The following CDH4 variants were observed in gnomAD, a reference collection of about 807,000 sequenced individuals.
The protein encoded by CDH4 is cadherin-4.
A neutral mutation model predicts 86.0 loss-of-function variants in CDH4; 33 were observed. That is an observed-to-expected ratio of 0.38 (90% CI 0.29 to 0.51). The LOEUF is 0.51. CDH4 is among the 20% of genes least tolerant of loss of function. The pLI, the probability that CDH4 is intolerant of heterozygous loss-of-function variation, is 0.86. For missense variants in CDH4, 1,114 were observed against 1,307.4 expected (o/e 0.85, Z 2.28); for synonymous variants, 555 against 549.4 (o/e 1.01, Z -0.14).
In CDH4 at chr20:61,538,727, C is replaced by T. The variant is rs191273432; in HGVS notation, c.170-204836C>T. On this transcript the variant is annotated intron_variant, in intron 2 of 15. Coordinates refer to ENST00000614565, the MANE Select transcript of CDH4 (RefSeq NM_001794.5). Reference sequence around the variant, plus strand: ...TTGCTCCCACTATTCCCACTGGGTGCGACTGTCCCCAGGCCTGGGTCACAT... The same window carrying T: ...TTGCTCCCACTATTCCCACTGGGTGTGACTGTCCCCAGGCCTGGGTCACAT... 3.1e-3 allele frequency among the ~76,000 whole-genome samples: 471 copies of T among 152,304 alleles called. 2 individuals are homozygous for T. Among genetic ancestry groups the T allele is most frequent in the African/African-American group, 0.011 (442 of 41,562 alleles).
intron 2 of CDH4, among the ~76,000 whole-genome samples, chr20:61,669,609 T>A (rs1474210250): frequency 1.3e-5 from 2 of 152,162 alleles, no homozygotes; most frequent in Non-Finnish European, 2.9e-5. Flanking sequence ...CAGAAACTTA[T>A]CCGGTGTGTA....
chr20:61,695,458 G>A lies in CDH4; in HGVS notation c.170-48105G>A, dbSNP rs186293759. Among the ~76,000 whole-genome samples the A allele has an allele frequency of 1.9e-3, 285 of 152,290 alleles. 3 individuals are homozygous for A. Among genetic ancestry groups the A allele is most frequent in the African/African-American group, 6.6e-3 (275 of 41,570 alleles). On this transcript the variant is annotated intron_variant, in intron 2 of 15. Coordinates refer to ENST00000614565, the MANE Select transcript of CDH4 (RefSeq NM_001794.5). ...CAGGAGAAACTGAGTACAGTCTAGG[G>A]GTGCCCAGCAAGCCCCTTTCCATGG...
intron 2 of CDH4, among the ~76,000 whole-genome samples, chr20:61,535,529 A>T (rs1217279550): frequency 1.3e-5 from 2 of 152,260 alleles, no homozygotes; most frequent in Non-Finnish European, 2.9e-5. Context: ...TTTTAAGTAG[A>T]ATGTTTTTAG....
intron 2 of CDH4, among the ~76,000 whole-genome samples, chr20:61,411,244 C>T (rs752496523): frequency 4.6e-5 from 7 of 150,976 alleles, no homozygotes; most frequent in Non-Finnish European, 8.8e-5. Flanking sequence ...GTTCATTCTT[C>T]ACCACCCTGT....
At position 61,383,101 on chromosome 20, in the gene CDH4, A is replaced by ATC. The variant is rs1568822075; in HGVS notation, c.169+128165_169+128166insCT. Among the ~76,000 whole-genome samples the ATC allele has an allele frequency of 2.4e-4, 28 of 115,228 alleles. 2 individuals carry two copies. In the South Asian group the frequency reaches 4.9e-3, roughly 20 times the overall value. The allele number at this position is 115,228 out of a possible 152,430, so 75.6% of individuals were successfully genotyped here. A position where few individuals can be genotyped will look rare whatever the true frequency, so the allele number is the denominator to read the frequency against. On this transcript the variant is annotated intron_variant, in intron 2 of 15. Transcript: ENST00000614565. ...AATATATATATGAATATATATATGAATATATTATATATAGAATATATATGA... is the reference window on the plus strand; with the variant it reads ...AATATATATATGAATATATATATGAATCTATATTATATATAGAATATATATGA...
At chr20:61,331,632 C>CCCGG (rs2084576569) in intron 2 of CDH4, among the ~76,000 whole-genome samples, 1 of 120,748 alleles carries the variant, frequency 8.3e-6, no homozygotes, top group Non-Finnish European at 1.9e-5. Context: ...CACCTCCTGC[C>CCCGG]CCAGACCCAC....
chr20:61,760,405 C>T (rs749055233), intron 3 of CDH4, among the ~76,000 whole-genome samples: 15 of 152,168 alleles, frequency 9.9e-5, no homozygotes, highest in Non-Finnish European at 1.6e-4. Context: ...AGGACTGCAG[C>T]GTGCTGGGTG....
At chr20:61,302,174 G>A (rs939961553) in intron 2 of CDH4, among the ~76,000 whole-genome samples, 5 of 152,196 alleles carry the variant, frequency 3.3e-5, no homozygotes, top group African/African-American at 4.8e-5. Context: ...AGGTCTGGGC[G>A]GTGACCTGCA....
intron 2 of CDH4, among the ~76,000 whole-genome samples, chr20:61,366,587 T>C (rs1038487708): frequency 6.6e-6 from 1 of 152,250 alleles, no homozygotes; most frequent in African/African-American, 2.4e-5. Context: ...AAAGTACCCC[T>C]TATGGGAAAC....
chr20:61,323,909 A>C (rs922607816), intron 2 of CDH4, among the ~76,000 whole-genome samples: 5 of 152,194 alleles, frequency 3.3e-5, no homozygotes, highest in African/African-American at 1.2e-4. Flanking sequence ...CGGAGATGAT[A>C]ATTGTGACTT....
chr20:61,382,676 G>C (rs7264672), intron 2 of CDH4, among the ~76,000 whole-genome samples: 37,455 of 152,084 alleles, frequency 0.25, 5,005 homozygotes, highest in African/African-American at 0.34. Context: ...CCTGCCTCAC[G>C]TCTTCCAGCC....
rs943246109 is a variant in CDH4 at position 61,754,842 on chromosome 20, CCA to C, written c.396+11061_396+11062del. ...GCATGCCACACACCACACACATGCC[CCA>C]CACACACCACACAGTGCACGCCACA... is the stretch of plus-strand genomic sequence containing the variant. On this transcript the variant is annotated intron_variant, in intron 3 of 15. Coordinates refer to ENST00000614565, the MANE Select transcript of CDH4 (RefSeq NM_001794.5). This position sits in a 1 kb window ranked among gnomAD's most constrained non-coding sequence, Gnocchi z 4.7. The C allele has an allele frequency of 3.3e-5, 5 of 149,270 alleles. No homozygotes were observed. The highest frequency in any genetic ancestry group is 4.4e-4 in the South Asian group (2 of 4,578). 9.2% of individuals were successfully genotyped at this position (149,270 alleles called of 1,614,324 possible).
rs1427363970 is a variant in CDH4, at chr20:61,829,261, G to A, written c.577-15407G>A. 6.6e-6 allele frequency among the ~76,000 whole-genome samples: 1 copy of A among 152,242 alleles called. No homozygotes were observed. The highest frequency in any genetic ancestry group is 1.5e-5 in the Non-Finnish European group (1 of 68,044). On this transcript the variant is annotated intron_variant, in intron 4 of 15. Coordinates refer to ENST00000614565, the MANE Select transcript of CDH4 (RefSeq NM_001794.5). This position sits in a 1 kb window ranked among gnomAD's most constrained non-coding sequence, Gnocchi z 4.2. ...TTGTGTCAATGGAAGGAGGTATTATGTGGGGTTTGTGTCCGGCTTCTTTCG... is the reference window on the plus strand; with the variant it reads ...TTGTGTCAATGGAAGGAGGTATTATATGGGGTTTGTGTCCGGCTTCTTTCG...
At chr20:61,574,290 A>C (rs1848809944) in intron 2 of CDH4, among the ~76,000 whole-genome samples, 1 of 152,230 alleles carries the variant, frequency 6.6e-6, no homozygotes, top group Non-Finnish European at 1.5e-5. Context: ...CAGCCAGCAA[A>C]TGCCTGTGTG....
intron 4 of CDH4, among the ~76,000 whole-genome samples, chr20:61,774,326 C>T (rs565022980): frequency 2.0e-5 from 3 of 152,358 alleles, no homozygotes; most frequent in Non-Finnish European, 4.4e-5. Context: ...CCTGGGCGAG[C>T]TTCCCAGGCC....
intron 2 of CDH4, among the ~76,000 whole-genome samples, chr20:61,301,748 GA>G (rs1487346815): frequency 1.3e-5 from 2 of 152,198 alleles, no homozygotes; most frequent in Non-Finnish European, 2.9e-5. Context: ...TGGTCCCTGA[GA>G]ATCGAATCTG....
At chr20:61,535,262 G>A (rs1332455035) in intron 2 of CDH4, among the ~76,000 whole-genome samples, 8 of 152,286 alleles carry the variant, frequency 5.3e-5, no homozygotes, top group South Asian at 2.1e-4. Flanking sequence ...CAGTAGTCTC[G>A]ACTGGTTCCC....
chr20:61,474,978 G>C (rs1250801596), intron 2 of CDH4, among the ~76,000 whole-genome samples: 1 of 152,116 alleles, frequency 6.6e-6, no homozygotes, highest in Admixed American at 6.5e-5. Flanking sequence ...TTTACTTTCA[G>C]TATCTGAAAA....
At chr20:61,695,863 C>T (rs765006771) in intron 2 of CDH4, among the ~76,000 whole-genome samples, 2 of 152,216 alleles carry the variant, frequency 1.3e-5, no homozygotes, top group Non-Finnish European at 2.9e-5. Flanking sequence ...ACTTGGCCGC[C>T]ACACTGAGCT....
Sources: allele counts gnomAD v4.1 joint callset (sites outside exome capture counted in the v4.1 genomes callset), GRCh38; gene constraint gnomAD v4.1.1; non-coding constraint Gnocchi (gnomAD v3.1); transcripts MANE v1.5; gene names NCBI Gene and HGNC (gene_info 2026-07-23, HGNC 2026-07-21).